The following C7orf33 variants were observed in gnomAD, a reference collection of about 807,000 sequenced individuals.
The protein encoded by C7orf33 is chromosome 7 open reading frame 33.
Under a neutral mutation model 13.4 loss-of-function variants are expected in C7orf33, and 15 were observed. The observed-to-expected ratio is 1.12, with a 90% CI of 0.75 to 1.72. C7orf33 has a LOEUF of 1.72. Ranked by LOEUF, C7orf33 falls within the 40% of genes most tolerant of loss-of-function variation. The pLI is 0.00. For synonymous variants in C7orf33, 73 were observed against 83.2 expected, an observed-to-expected ratio of 0.88 and a Z score of 0.67; for missense variants, 187 against 220.3, an observed-to-expected ratio of 0.85 and a Z score of 0.96.
chr7:148,595,428 T>C (rs1324802080), intron 1 of C7orf33, among the ~76,000 whole-genome samples: 2 of 130,930 alleles, frequency 1.5e-5, no homozygotes, highest in African/African-American at 3.0e-5. Context: ...TATATAGATA[T>C]ATCTATATAA....
At chr7:148,609,830 C>T (rs1796514963) in intron 1 of C7orf33, among the ~76,000 whole-genome samples, 2 of 152,310 alleles carry the variant, frequency 1.3e-5, no homozygotes, top group South Asian at 4.1e-4. Context: ...GCCTCTGTTA[C>T]AGGAAGAAGG....
intron 1 of C7orf33, among the ~76,000 whole-genome samples, chr7:148,610,122 A>G (rs766927911): frequency 1.1e-4 from 17 of 152,346 alleles, no homozygotes; most frequent in Middle Eastern, 3.4e-3. Context: ...AGGTATCTGT[A>G]AACAACAAGA....
chr7:148,611,596 C>T (rs770425207), intron 1 of C7orf33, among the ~76,000 whole-genome samples: 2 of 152,206 alleles, frequency 1.3e-5, no homozygotes, highest in Non-Finnish European at 2.9e-5. Flanking sequence ...AAAACTTGCA[C>T]TTATCCTTCG....
intron 1 of C7orf33, among the ~76,000 whole-genome samples, chr7:148,604,642 C>T (rs1459162078): frequency 6.6e-6 from 1 of 152,180 alleles, no homozygotes; most frequent in African/African-American, 2.4e-5. Context: ...ACCAGAATCT[C>T]AGAAATCACC....
chr7:148,611,335 T>A (rs1796534232), intron 1 of C7orf33, among the ~76,000 whole-genome samples: 1 of 152,010 alleles, frequency 6.6e-6, no homozygotes, highest in African/African-American at 2.4e-5. Context: ...CCTGTACCCA[T>A]ATAAACCCAA....
chr7:148,595,409 G>T (rs1313912754), intron 1 of C7orf33, among the ~76,000 whole-genome samples: 3 of 110,386 alleles, frequency 2.7e-5, no homozygotes, highest in Admixed American at 9.7e-5. Flanking sequence ...AGATAATATA[G>T]ATCTATATTA....
intron 1 of C7orf33, among the ~76,000 whole-genome samples, chr7:148,602,642 C>T (rs1563122442): frequency 6.6e-6 from 1 of 152,046 alleles, no homozygotes; most frequent in Non-Finnish European, 1.5e-5. Flanking sequence ...ATCAACACTT[C>T]TATTCACAAT....
In C7orf33 at chr7:148,594,929, T is replaced by C. The variant is rs139370024; in HGVS notation, c.204+3800T>C. Among the ~76,000 whole-genome samples the C allele has an allele frequency of 4.2e-3, 641 of 152,106 alleles. 6 individuals carry two copies. The highest frequency in any genetic ancestry group is 0.014 in the African/African-American group (584 of 41,488). ...GCACTCCCAGCCGCTCCTGCTTACA[T>C]GAGACAACAGTGAGCCACAAGACAG... On this transcript the variant is annotated intron_variant, in intron 1 of 2. Coordinates refer to ENST00000307003, the MANE Select transcript of C7orf33 (RefSeq NM_145304.4).
chr7:148,594,686 T>C (rs1257395974), intron 1 of C7orf33, among the ~76,000 whole-genome samples: 1 of 152,118 alleles, frequency 6.6e-6, no homozygotes, highest in Non-Finnish European at 1.5e-5. Context: ...CCAAATTGTT[T>C]AGGGAAATGT....
At chr7:148,595,243 A>G (rs1796314970) in intron 1 of C7orf33, among the ~76,000 whole-genome samples, 3 of 144,556 alleles carry the variant, frequency 2.1e-5, no homozygotes, top group Admixed American at 7.2e-5. Flanking sequence ...TATATTATAT[A>G]GATATATATC....
intron 1 of C7orf33, among the ~76,000 whole-genome samples, chr7:148,605,126 C>G (rs1796459455): frequency 6.6e-6 from 1 of 151,660 alleles, no homozygotes; most frequent in Non-Finnish European, 1.5e-5. Flanking sequence ...CAGCTACAAA[C>G]AAAGAAAAAA....
intron 1 of C7orf33, among the ~76,000 whole-genome samples, chr7:148,601,744 GT>G (rs1235364761): frequency 1.3e-5 from 2 of 151,668 alleles, no homozygotes; most frequent in African/African-American, 4.9e-5. Flanking sequence ...GTTTTGTGGG[GT>G]TTTTGTTTTG....
At chr7:148,599,624 A>G (rs1796390583) in intron 1 of C7orf33, among the ~76,000 whole-genome samples, 1 of 151,798 alleles carries the variant, frequency 6.6e-6, no homozygotes, top group East Asian at 1.9e-4. Flanking sequence ...ACAGGTGCGC[A>G]CCATCACGTC....
Position 148,590,862 on chromosome 7 carries a change from G to C in C7orf33, c.-64G>C. Reference sequence around the variant, plus strand: ...TGGGGATCCGTGCGACTTGATCTTAGATATTGGTGGTGAAGCGCCGCTCTC... The same window carrying C: ...TGGGGATCCGTGCGACTTGATCTTACATATTGGTGGTGAAGCGCCGCTCTC... On this transcript the variant is annotated 5_prime_UTR_variant, in exon 1 of 3. Coordinates refer to ENST00000307003, the MANE Select transcript of C7orf33 (RefSeq NM_145304.4). The C allele has an allele frequency of 6.9e-7, 1 of 1,455,560 alleles. No homozygotes were observed. Among genetic ancestry groups the C allele is most frequent in the Non-Finnish European group, 9.6e-7 (1 of 1,038,234 alleles). 90.2% of individuals were successfully genotyped at this position (1,455,560 alleles called of 1,614,324 possible).
intron 1 of C7orf33, among the ~76,000 whole-genome samples, chr7:148,608,789 T>C (rs1190486191): frequency 1.3e-5 from 2 of 151,998 alleles, no homozygotes; most frequent in African/African-American, 4.8e-5. Context: ...TGCACTCCAG[T>C]CTGGGCGACA....
At chr7:148,596,626 C>T (rs772009279) in intron 1 of C7orf33, among the ~76,000 whole-genome samples, 2 of 152,112 alleles carry the variant, frequency 1.3e-5, no homozygotes, top group Non-Finnish European at 2.9e-5. Context: ...TACTCACTAC[C>T]ATCAGAACAA....
At chr7:148,609,799 T>C (rs1585465115) in intron 1 of C7orf33, among the ~76,000 whole-genome samples, 1 of 151,846 alleles carries the variant, frequency 6.6e-6, no homozygotes, top group Non-Finnish European at 1.5e-5. Context: ...TAGTGGAGGG[T>C]GGAGGGTTGG....
At chr7:148,592,894 G>T (rs1324443104) in intron 1 of C7orf33, among the ~76,000 whole-genome samples, 1 of 151,956 alleles carries the variant, frequency 6.6e-6, no homozygotes, top group Admixed American at 6.6e-5. Flanking sequence ...AGGCTGAAGT[G>T]CAATGGCACG....
At chr7:148,596,160 G>C (rs531795717) in intron 1 of C7orf33, among the ~76,000 whole-genome samples, 2 of 152,160 alleles carry the variant, frequency 1.3e-5, no homozygotes, top group African/African-American at 4.8e-5. Context: ...TATTTTTAGA[G>C]CCATTTTAGG....
Sources: gnomAD v4.1 joint callset for allele counts (sites outside exome capture counted in the v4.1 genomes callset) on GRCh38, gnomAD v4.1.1 for gene constraint, MANE v1.5 for transcripts, NCBI Gene and HGNC (gene_info 2026-07-23, HGNC 2026-07-21) for gene names.